STPG2: variants seen among roughly 807,000 people sequenced by gnomAD.
STPG2 encodes the protein sperm-tail PG-rich repeat-containing protein 2.
In STPG2, 56 loss-of-function variants were observed where a neutral mutation model predicts 54.2. The ratio of observed to expected loss-of-function variants is 1.03; its 90% CI spans 0.83 to 1.29. STPG2 has a LOEUF of 1.29. Among genes scored for constraint, STPG2 ranks in the 50% most tolerant of loss-of-function variants. The probability of loss-of-function intolerance (pLI) is 0.00; values close to 1 mark genes in which losing one functional copy is unlikely to be tolerated. For synonymous variants in STPG2, 200 were observed against 181.8 expected (o/e 1.10, Z -0.81); for missense variants, 596 against 544.9 (o/e 1.09, Z -0.93).
chr4:97,688,876 A>T (rs1723280197), intron 10 of STPG2, among the ~76,000 whole-genome samples: 1 of 152,246 alleles, frequency 6.6e-6, no homozygotes, highest in South Asian at 2.1e-4. Context: ...TACCAATTTA[A>T]GGTCTTTCCT....
chr4:98,013,580 C>CTTTTTTTTTTT (rs34198207), intron 5 of STPG2, among the ~76,000 whole-genome samples: 5 of 74,584 alleles, frequency 6.7e-5, no homozygotes, highest in African/African-American at 2.6e-4. Flanking sequence ...TGGTCCTGGG[C>CTTTTTTTTTTT]TTTTTTTTTT....
intron 4 of STPG2, among the ~76,000 whole-genome samples, chr4:97,504,460 T>C (rs1010656471): frequency 3.3e-5 from 5 of 151,788 alleles, no homozygotes; most frequent in African/African-American, 4.8e-5. Context: ...AGGAACAGCA[T>C]TGGAAAATGA....
At chr4:98,140,471 T>C (rs1469999944) in intron 1 of STPG2, among the ~76,000 whole-genome samples, 7 of 151,926 alleles carry the variant, frequency 4.6e-5, no homozygotes, top group Admixed American at 2.6e-4. Context: ...TAATTCAAAA[T>C]AGAAATAATG....
At chr4:97,868,846 T>C (rs1296928798) in intron 8 of STPG2, among the ~76,000 whole-genome samples, 1 of 151,840 alleles carries the variant, frequency 6.6e-6, no homozygotes, top group African/African-American at 2.4e-5. Flanking sequence ...TGTTGCCTGA[T>C]AAATATTCTC....
chr4:97,862,295 C>G (rs568278829), intron 8 of STPG2, among the ~76,000 whole-genome samples: 6 of 151,920 alleles, frequency 3.9e-5, no homozygotes, highest in African/African-American at 1.5e-4. Flanking sequence ...AGGTTGCAAT[C>G]CTAGTCTATG....
intron 4 of STPG2, among the ~76,000 whole-genome samples, chr4:97,541,569 C>T (rs1731706279): frequency 6.6e-6 from 1 of 152,082 alleles, no homozygotes; most frequent in Non-Finnish European, 1.5e-5. Flanking sequence ...AGATTCAATG[C>T]CATCCTCATC....
chr4:97,787,600 G>A (rs1476418041), intron 9 of STPG2, among the ~76,000 whole-genome samples: 1 of 151,874 alleles, frequency 6.6e-6, no homozygotes, highest in African/African-American at 2.4e-5. Flanking sequence ...TAATCTATCT[G>A]TATGGCTTTA....
chr4:98,116,078 CAAAT>C (rs1236971099), intron 3 of STPG2, among the ~76,000 whole-genome samples: 1 of 151,746 alleles, frequency 6.6e-6, no homozygotes, highest in East Asian at 1.9e-4. Flanking sequence ...ATTAGGTCAT[CAAAT>C]AAATGTCTTC....
intron 4 of STPG2, among the ~76,000 whole-genome samples, chr4:97,494,410 A>G (rs1415259781): frequency 6.6e-6 from 1 of 151,472 alleles, no homozygotes; most frequent in Non-Finnish European, 1.5e-5. Context: ...TGAACTCACA[A>G]ATTCATTTGC....
intron 4 of STPG2, among the ~76,000 whole-genome samples, chr4:97,443,610 G>A (rs1729145712): frequency 6.6e-6 from 1 of 152,014 alleles, no homozygotes; most frequent in African/African-American, 2.4e-5. Flanking sequence ...TGGGTAATAA[G>A]AATTACATCA....
At chr4:98,114,742 C>G (rs1739459748) in intron 3 of STPG2, among the ~76,000 whole-genome samples, 1 of 39,208 alleles carries the variant, frequency 2.6e-5, no homozygotes, top group Non-Finnish European at 5.1e-5. Flanking sequence ...TAAGACCCCA[C>G]AATAATATCC....
At chr4:98,017,014 A>C (rs1231408583) in intron 5 of STPG2, among the ~76,000 whole-genome samples, 1 of 152,138 alleles carries the variant, frequency 6.6e-6, no homozygotes, top group Non-Finnish European at 1.5e-5. Flanking sequence ...CAGGTTGGCC[A>C]GGTTCCTGAG....
chr4:97,872,808 C>G (rs982847644), intron 8 of STPG2, among the ~76,000 whole-genome samples: 1 of 151,060 alleles, frequency 6.6e-6, no homozygotes, highest in Admixed American at 6.6e-5. Context: ...TTTTGATGCT[C>G]AAATTACCCC....
intron 4 of STPG2, among the ~76,000 whole-genome samples, chr4:97,518,794 C>T (rs545259945): frequency 2.6e-5 from 4 of 152,124 alleles, no homozygotes; most frequent in African/African-American, 9.6e-5. Flanking sequence ...TAAATGCCTT[C>T]CTACTATCTA....
At chr4:97,510,227 G>C (rs192943002) in intron 4 of STPG2, among the ~76,000 whole-genome samples, 1 of 152,174 alleles carries the variant, frequency 6.6e-6, no homozygotes, top group East Asian at 1.9e-4. Context: ...ACATTACCAG[G>C]GTAAGTTGAT....
chr4:97,547,505 C>T (rs758889261), intron 4 of STPG2, among the ~76,000 whole-genome samples: 7 of 152,270 alleles, frequency 4.6e-5, no homozygotes, highest in Non-Finnish European at 7.4e-5. Context: ...CCACCGCGCC[C>T]GGCCTTTTAA....
chr4:97,454,216 C>A (rs945338631), intron 4 of STPG2, among the ~76,000 whole-genome samples: 1 of 151,886 alleles, frequency 6.6e-6, no homozygotes, highest in African/African-American at 2.4e-5. Context: ...GCATTTCAAT[C>A]AACAGAAAAG....
At chr4:98,096,794 T>C (rs923141717) in intron 5 of STPG2, among the ~76,000 whole-genome samples, 2 of 151,978 alleles carry the variant, frequency 1.3e-5, no homozygotes, top group Non-Finnish European at 2.9e-5. Flanking sequence ...TCAAAGATCA[T>C]GCAAAGGAAT....
chr4:97,847,003 A>G (rs1470737805), intron 8 of STPG2, among the ~76,000 whole-genome samples: 1 of 152,206 alleles, frequency 6.6e-6, no homozygotes, highest in Non-Finnish European at 1.5e-5. Flanking sequence ...CTTCTTTTAC[A>G]ATGAAACTTG....
Sources: gnomAD v4.1 joint callset for allele counts (sites outside exome capture counted in the v4.1 genomes callset) on GRCh38, gnomAD v4.1.1 for gene constraint, MANE v1.5 for transcripts, NCBI Gene and HGNC (gene_info 2026-07-23, HGNC 2026-07-21) for gene names.